Variants in SBNO1 observed in about 807,000 individuals in gnomAD.
SBNO1 encodes strawberry notch homolog 1.
Under a neutral mutation model 173.6 loss-of-function variants are expected in SBNO1, and 23 were observed. That is an observed-to-expected ratio of 0.13 (90% CI 0.10 to 0.19). The LOEUF (loss-of-function observed/expected upper bound fraction) is 0.19. Among genes scored for constraint, SBNO1 ranks in the 10% least tolerant of loss-of-function variants. SBNO1 has a pLI of 1.00. For missense variants in SBNO1, 1,238 were observed against 1,671.2 expected (o/e 0.74, Z 4.52); for synonymous variants, 632 against 571.5 (o/e 1.11, Z -1.51).
At position 123,348,060 on chromosome 12, in the gene SBNO1, G is replaced by C. The variant is rs1374300903; in HGVS notation, c.206C>G (p.Thr69Ser). ...AAVPVKQEPE[T>S]VPTPALLNVR... ...ATTTAATAGTGCTGGAGTAGGTACA[G>C]TCTCTGGTTCTTGTTTAACAGGAAC... The change falls in exon 3 of 32, where the codon ACT (threonine) becomes AGT (serine). Residue 69 changes from threonine (T) to serine (S), a missense_variant. Around this residue, in one of 14 missense-constraint regions of SBNO1, gnomAD observed 287 missense variants for 274.1 expected, o/e 1.05. Coordinates refer to ENST00000602398, the MANE Select transcript of SBNO1 (RefSeq NM_001167856.3). 1 of 1,609,988 alleles carries C rather than the reference G, an allele frequency of 6.2e-7. No homozygotes were observed. Among genetic ancestry groups the C allele is most frequent in the African/African-American group, 1.3e-5 (1 of 74,960 alleles).
chr12:123,341,070 G>GTAC lies in SBNO1; in HGVS notation c.566_568dup (p.Gly189_Thr190insSer), dbSNP rs1293396827. 6.3e-7 allele frequency: 1 copy of GTAC among 1,581,544 alleles called. No homozygotes were observed. Among genetic ancestry groups the GTAC allele is most frequent in the Non-Finnish European group, 8.6e-7 (1 of 1,162,566 alleles). ...TTTATTAGAAGACTCTTTCTTTACT[G>GTAC]TACCATTGCTTACATCAGCTGAGGA... On this transcript the variant is annotated inframe_insertion, in exon 5 of 32. Transcript: ENST00000602398.
intron 22 of SBNO1, 35 bp from the exon 23 acceptor site, chr12:123,315,479 T>A (rs750088276): frequency 6.3e-7 from 1 of 1,596,140 alleles, no homozygotes; most frequent in Admixed American, 1.7e-5. Context: ...AAGGCACAGG[T>A]AACCTTTTAC....
At chr12:123,333,180 TAA>T (rs1306949796) in intron 7 of SBNO1, among the ~76,000 whole-genome samples, 5 of 152,096 alleles carry the variant, frequency 3.3e-5, no homozygotes, top group Admixed American at 3.3e-4. Flanking sequence ...CCAGCCAAAT[TAA>T]AAGTTTTATA....
rs1301428604 is a variant in SBNO1, at chr12:123,350,318, C to A, written c.124G>T (p.Val42Phe). The A allele has an allele frequency of 6.2e-7, 1 of 1,613,974 alleles. No homozygotes were observed. The highest frequency in any genetic ancestry group is 1.3e-5 in the African/African-American group (1 of 74,892). Residue 42 changes from valine (V) to phenylalanine (F), a missense_variant, in exon 2 of 32, where the codon GTT (valine) becomes TTT (phenylalanine). Transcript: ENST00000602398. The stretch of plus-strand genomic sequence containing the variant: ...CTTTGGAAAACTCTTACCTGCTGAA[C>A]TGACGGGGTAGGCATTGGAGTTGCA... ...GLATPMPTPS[V>F]QQSVPLSALE...
intron 1 of SBNO1, among the ~76,000 whole-genome samples, chr12:123,362,772 A>C (rs1185252862): frequency 3.8e-4 from 2 of 5,322 alleles, no homozygotes; most frequent in African/African-American, 1.3e-3. Context: ...CCGCCTCAAA[A>C]AAAAAAAAAA....
intron 28 of SBNO1, among the ~76,000 whole-genome samples, chr12:123,305,527 C>G (rs1353086924): frequency 6.6e-6 from 1 of 152,044 alleles, no homozygotes; most frequent in Non-Finnish European, 1.5e-5. Context: ...GCCTGGAGCA[C>G]AAGGGCGCGA....
At chr12:123,313,507 T>C in intron 24 of SBNO1, 113 bp downstream of exon 24, 1 of 602,800 alleles carries the variant, frequency 1.7e-6, no homozygotes, top group Non-Finnish European at 2.9e-6. Context: ...TTCAAAGTTT[T>C]ATACAATTTA....
At chr12:123,311,647 G>A (rs1251154459) in intron 24 of SBNO1, among the ~76,000 whole-genome samples, 2 of 150,822 alleles carry the variant, frequency 1.3e-5, no homozygotes, top group African/African-American at 4.9e-5. Context: ...GAGCCACTGC[G>A]CCCAGCTGCA....
chr12:123,363,274 C>A (rs1190765989), intron 1 of SBNO1, among the ~76,000 whole-genome samples: 2 of 152,062 alleles, frequency 1.3e-5, no homozygotes, highest in Non-Finnish European at 2.9e-5. Context: ...ACTCAAGTCA[C>A]CAGTAGGAAA....
chr12:123,364,361 C>G (rs1291757760), intron 1 of SBNO1: 1 of 985,094 alleles, frequency 1.0e-6, no homozygotes, highest in East Asian at 1.1e-4. Flanking sequence ...GCGAACCCAG[C>G]GGAGCCGGCG....
At position 123,295,343 on chromosome 12, in the gene SBNO1, C is replaced by T. The variant is rs568968714; in HGVS notation, c.*565G>A. 18 of 152,370 alleles carry T rather than the reference C, an allele frequency of 1.2e-4. No homozygotes were observed. The highest frequency in any genetic ancestry group is 4.3e-4 in the African/African-American group (18 of 41,574). The allele number at this position is 152,370 out of a possible 1,614,324, so 9.4% of individuals were successfully genotyped here. ...TCTTGTTTCAGCATGCTTCCAAAGA[C>T]ATGCACTGTCAGAACAAAAATTAGA... On this transcript the variant is annotated 3_prime_UTR_variant, in exon 32 of 32. Transcript: ENST00000602398.
At chr12:123,302,278 T>C (rs555612896) in intron 30 of SBNO1, among the ~76,000 whole-genome samples, 13 of 145,316 alleles carry the variant, frequency 8.9e-5, no homozygotes, top group Non-Finnish European at 1.8e-4. Flanking sequence ...AGTCTCGCTC[T>C]GTCCCCCAGG....
At chr12:123,349,431 G>A (rs913891263) in intron 2 of SBNO1, among the ~76,000 whole-genome samples, 64 of 152,012 alleles carry the variant, frequency 4.2e-4, no homozygotes, top group African/African-American at 1.5e-3. Context: ...TTCAGAGAAT[G>A]TATATAATGA....
At chr12:123,353,171 G>A (rs1383942439) in intron 1 of SBNO1, among the ~76,000 whole-genome samples, 1 of 152,172 alleles carries the variant, frequency 6.6e-6, no homozygotes, top group African/African-American at 2.4e-5. Flanking sequence ...TTTTGGGCAG[G>A]GAGTGAGGAA....
rs776648943 is a variant in SBNO1 at position 123,345,453 on chromosome 12, T to C, written c.355A>G (p.Thr119Ala). ...GTAGTCTGGATAAACTTAGTTAAAG[T>C]GATGGTTTGCCTGTTGGTTGTTACA... ...PPVTTNRQTI[T>A]LTKFIQTTAS... The change falls in exon 4 of 32, where the codon ACT (threonine) becomes GCT (alanine). Residue 119 changes from threonine (T) to alanine (A), a missense_variant. Physicochemically the swap from Thr to Ala is moderately conservative, Grantham distance 58. Transcript: ENST00000602398. 3 of 1,614,184 alleles carry C rather than the reference T, an allele frequency of 1.9e-6. No individual in the cohort carries two copies. The highest frequency in any genetic ancestry group is 1.1e-5 in the South Asian group (1 of 91,080).
At chr12:123,311,714 ATC>A (rs1395877460) in intron 24 of SBNO1, among the ~76,000 whole-genome samples, 100 of 58,788 alleles carry the variant, frequency 1.7e-3, no homozygotes, top group African/African-American at 5.5e-3. Context: ...CTATCTATCT[ATC>A]TATCTATATA....
In SBNO1 at chr12:123,348,011, A is replaced by T. The variant is rs201761365; in HGVS notation, c.237+18T>A. On this transcript the variant is annotated intron_variant, in intron 3 of 31. Transcript: ENST00000602398. ...CTAAACTATTTTAGAAGTAACGACG[A>T]ATCTAAATCATTCTTACCCTCACAT... The T allele has an allele frequency of 1.7e-4, 249 of 1,468,428 alleles. No individual in the cohort carries two copies. The highest frequency in any genetic ancestry group is 8.6e-4 in the Admixed American group (50 of 57,968). 91.0% of individuals were successfully genotyped at this position (1,468,428 alleles called of 1,614,324 possible). A position where few individuals can be genotyped will look rare whatever the true frequency, so the allele number is the denominator to read the frequency against.
In SBNO1 at chr12:123,350,538, CCATT is replaced by C. The variant is rs1163998750; in HGVS notation, c.1-101_1-98del. 3.2e-5 allele frequency: 31 copies of C among 972,894 alleles called. No individual in the cohort carries two copies. The African/African-American group carries it at 4.2e-4, about 13-fold the overall frequency. The allele number at this position is 972,894 out of a possible 1,614,324, so 60.3% of individuals were successfully genotyped here. A position where few individuals can be genotyped will look rare whatever the true frequency, so the allele number is the denominator to read the frequency against. On this transcript the variant is annotated intron_variant, in intron 1 of 31. Coordinates refer to ENST00000602398, the MANE Select transcript of SBNO1 (RefSeq NM_001167856.3). The stretch of plus-strand genomic sequence containing the variant: ...AACAATCCAACAATCTCTATTAGAC[CCATT>C]CATTCAGTATTAATGAAGAACCTGC...
At chr12:123,351,997 AAAGC>A (rs1283765674) in intron 1 of SBNO1, among the ~76,000 whole-genome samples, 1 of 152,166 alleles carries the variant, frequency 6.6e-6, no homozygotes, top group East Asian at 1.9e-4. Flanking sequence ...AAGCCAATTT[AAAGC>A]AAGTAGACAG....
Sources: gnomAD v4.1 joint callset for allele counts (sites outside exome capture counted in the v4.1 genomes callset) on GRCh38, gnomAD v4.1.1 for gene constraint, gnomAD v4.1.1 regional missense constraint, MANE v1.5 for transcripts, NCBI Gene and HGNC (gene_info 2026-07-23, HGNC 2026-07-21) for gene names.